CAMKMT: variants seen among roughly 807,000 people sequenced by gnomAD.
The protein encoded by CAMKMT is CaM KMT.
In CAMKMT, 53 loss-of-function variants were observed where a neutral mutation model predicts 48.0. The observed-to-expected ratio is 1.10, with a 90% CI of 0.89 to 1.39. The LOEUF (loss-of-function observed/expected upper bound fraction) is 1.39, where lower values mean the gene tolerates loss of function less well. Among genes scored for constraint, CAMKMT ranks in the 40% most tolerant of loss-of-function variants. CAMKMT has a pLI of 0.00. For missense variants in CAMKMT, 428 were observed against 402.7 expected (o/e 1.06, Z -0.54); for synonymous variants, 165 against 152.3 (o/e 1.08, Z -0.61).
intron 2 of CAMKMT, among the ~76,000 whole-genome samples, chr2:44,374,992 G>T (rs1396480476): frequency 6.6e-6 from 1 of 152,102 alleles, no homozygotes; most frequent in Admixed American, 6.6e-5. Flanking sequence ...TTAGCCAGGG[G>T]TGGTGGTATG....
At chr2:44,470,667 CCAGA>C (rs1213936240) in intron 3 of CAMKMT, among the ~76,000 whole-genome samples, 2 of 152,106 alleles carry the variant, frequency 1.3e-5, no homozygotes. Flanking sequence ...AAAATGATAT[CCAGA>C]CAAAGTCATT....
At chr2:44,557,121 T>G (rs1398507775) in intron 3 of CAMKMT, among the ~76,000 whole-genome samples, 1 of 152,226 alleles carries the variant, frequency 6.6e-6, no homozygotes, top group Non-Finnish European at 1.5e-5. Context: ...TCATTCATCA[T>G]TAATGATAAT....
intron 3 of CAMKMT, among the ~76,000 whole-genome samples, chr2:44,505,907 G>A (rs1670236936): frequency 6.6e-6 from 1 of 151,618 alleles, no homozygotes; most frequent in Non-Finnish European, 1.5e-5. Context: ...TGGCTCTGTT[G>A]CCCAGGCTGA....
chr2:44,622,087 A>G (rs1303538159), intron 3 of CAMKMT, among the ~76,000 whole-genome samples: 1 of 152,232 alleles, frequency 6.6e-6, no homozygotes, highest in South Asian at 2.1e-4. Context: ...TACGTAAATC[A>G]TTCTCTAGGA....
chr2:44,415,000 A>G (rs1220211687), intron 3 of CAMKMT, among the ~76,000 whole-genome samples: 2 of 152,204 alleles, frequency 1.3e-5, no homozygotes, highest in African/African-American at 4.8e-5. Flanking sequence ...CTAAAAATAC[A>G]AACATTATCT....
At chr2:44,611,501 A>G (rs994678562) in intron 3 of CAMKMT, among the ~76,000 whole-genome samples, 6 of 152,062 alleles carry the variant, frequency 3.9e-5, no homozygotes, top group African/African-American at 1.4e-4. Context: ...TTTGACTACA[A>G]TTAATAGTGA....
chr2:44,634,865 C>G (rs963177720), intron 3 of CAMKMT, among the ~76,000 whole-genome samples: 6 of 148,594 alleles, frequency 4.0e-5, no homozygotes, highest in African/African-American at 1.2e-4. Flanking sequence ...TATAAAATAG[C>G]ACAGTGTGTT....
chr2:44,681,061 A>G (rs1308576123), intron 3 of CAMKMT, among the ~76,000 whole-genome samples: 1 of 152,180 alleles, frequency 6.6e-6, no homozygotes, highest in African/African-American at 2.4e-5. Flanking sequence ...AATTTTTTTT[A>G]AACTCTTATT....
At chr2:44,768,363 T>TATATATATATATATATATATATATATA (rs1558844484) in intron 10 of CAMKMT, among the ~76,000 whole-genome samples, 3 of 72,006 alleles carry the variant, frequency 4.2e-5, no homozygotes. Context: ...ATATATATAT[T>TATATATATATATATATATATATATATA]TTTTTTTTTT....
intron 3 of CAMKMT, among the ~76,000 whole-genome samples, chr2:44,539,561 T>C (rs1666976416): frequency 6.6e-6 from 1 of 152,164 alleles, no homozygotes; most frequent in Admixed American, 6.5e-5. Context: ...GCCTCAATGA[T>C]AGTCTTTATA....
chr2:44,445,536 A>G (rs1666929766), intron 3 of CAMKMT, among the ~76,000 whole-genome samples: 1 of 151,720 alleles, frequency 6.6e-6, no homozygotes, highest in Non-Finnish European at 1.5e-5. Flanking sequence ...ACTACGGGAC[A>G]TTCCCCTAAG....
intron 9 of CAMKMT, 40 bp from the exon 10 acceptor site, chr2:44,766,390 C>A: frequency 1.9e-6 from 3 of 1,611,662 alleles, no homozygotes; most frequent in Non-Finnish European, 2.5e-6. Context: ...TGGTTACCTT[C>A]CAGTTTTAAA....
At chr2:44,759,865 T>C (rs1680541621) in intron 9 of CAMKMT, among the ~76,000 whole-genome samples, 2 of 152,226 alleles carry the variant, frequency 1.3e-5, no homozygotes, top group South Asian at 4.1e-4. Context: ...GTTGTGGAGA[T>C]ATAACATACA....
At chr2:44,667,487 T>C (rs1675062472) in intron 3 of CAMKMT, among the ~76,000 whole-genome samples, 1 of 152,234 alleles carries the variant, frequency 6.6e-6, no homozygotes. Flanking sequence ...TATCCGCTAA[T>C]GTTTAAGACA....
chr2:44,715,709 G>A (rs916016153), intron 7 of CAMKMT, among the ~76,000 whole-genome samples: 2 of 152,132 alleles, frequency 1.3e-5, no homozygotes, highest in African/African-American at 4.8e-5. Context: ...GCCCCCAAGG[G>A]GACTTTTGGC....
At chr2:44,505,886 G>C (rs1670235716) in intron 3 of CAMKMT, among the ~76,000 whole-genome samples, 1 of 144,522 alleles carries the variant, frequency 6.9e-6, no homozygotes, top group Non-Finnish European at 1.5e-5. Flanking sequence ...TTATTTATTT[G>C]AGACAGAGTC....
intron 3 of CAMKMT, among the ~76,000 whole-genome samples, chr2:44,476,965 A>G (rs1008758864): frequency 5.9e-5 from 9 of 152,300 alleles, no homozygotes; most frequent in Admixed American, 1.3e-4. Flanking sequence ...GAAGTAATGA[A>G]AGAAAGCTTT....
intron 3 of CAMKMT, among the ~76,000 whole-genome samples, chr2:44,683,822 C>CAAAAAAAAAAAAAAAAAA (rs10644183): frequency 1.4e-5 from 1 of 70,934 alleles, no homozygotes; most frequent in Non-Finnish European, 2.5e-5. Context: ...GACTCTGTCT[C>CAAAAAAAAAAAAAAAAAA]AAAAAAAAAA....
intron 3 of CAMKMT, among the ~76,000 whole-genome samples, chr2:44,572,690 C>T (rs186406193): frequency 1.3e-5 from 2 of 148,786 alleles, no homozygotes; most frequent in African/African-American, 5.0e-5. Context: ...GCTATGTTGG[C>T]TCTTATGAGT....
Sources: gnomAD v4.1 joint callset for allele counts (sites outside exome capture counted in the v4.1 genomes callset) on GRCh38, gnomAD v4.1.1 for gene constraint, MANE v1.5 for transcripts, NCBI Gene and HGNC (gene_info 2026-07-23, HGNC 2026-07-21) for gene names.